Variants in PPP1R1A observed in about 807,000 individuals in gnomAD.
PPP1R1A encodes the protein protein phosphatase 1 regulatory inhibitor subunit 1A.
A neutral mutation model predicts 23.9 loss-of-function variants in PPP1R1A; 18 were observed. The ratio of observed to expected loss-of-function variants is 0.75; its 90% CI spans 0.52 to 1.12. The LOEUF is 1.12. Among genes scored for constraint, PPP1R1A ranks in the 50% most tolerant of loss-of-function variants. The probability of loss-of-function intolerance (pLI) is 0.00; values close to 1 mark genes in which losing one functional copy is unlikely to be tolerated. For missense variants in PPP1R1A, 207 were observed against 223.8 expected (o/e 0.92, Z 0.48); for synonymous variants, 84 against 80.7 (o/e 1.04, Z -0.22).
chr12:54,585,896 G>A (rs905427897), intron 1 of PPP1R1A, among the ~76,000 whole-genome samples: 14 of 152,152 alleles, frequency 9.2e-5, no homozygotes, highest in Admixed American at 8.5e-4. Flanking sequence ...CAAGGTCCCC[G>A]CAGTACCAGT....
intron 1 of PPP1R1A, among the ~76,000 whole-genome samples, chr12:54,585,251 T>C (rs1196252926): frequency 6.6e-6 from 1 of 152,046 alleles, no homozygotes; most frequent in African/African-American, 2.4e-5. Flanking sequence ...AGATATAATA[T>C]CAATACAAGG....
At position 54,580,118 on chromosome 12, in the gene PPP1R1A, T is replaced by A. The variant is rs1957840435; in HGVS notation, c.*269A>T. On this transcript the variant is annotated 3_prime_UTR_variant, in exon 7 of 7. Transcript: ENST00000257905. ...AAGTCAGGGCTAAGGGAAGAACTCT[T>A]CCCTGCTCAAGGCTTCTGCCTAGCT... 2 of 1,251,570 alleles carry A rather than the reference T, an allele frequency of 1.6e-6. No individual in the cohort carries two copies. 77.5% of individuals were successfully genotyped at this position (1,251,570 alleles called of 1,614,324 possible).
chr12:54,579,795 G>A lies in PPP1R1A; in HGVS notation c.*592C>T. Reference sequence around the variant, plus strand: ...AGCTTGGGAATCCAAAAGGAAGGCAGCTGGGGCTTGGAGGGCAGGCGAGGA... The same window carrying A: ...AGCTTGGGAATCCAAAAGGAAGGCAACTGGGGCTTGGAGGGCAGGCGAGGA... On this transcript the variant is annotated 3_prime_UTR_variant, in exon 7 of 7. Coordinates refer to ENST00000257905, the MANE Select transcript of PPP1R1A (RefSeq NM_006741.4). 1.0e-6 allele frequency: 1 copy of A among 985,710 alleles called. No homozygotes were observed. Among genetic ancestry groups the A allele is most frequent in the Non-Finnish European group, 1.2e-6 (1 of 830,128 alleles). 61.1% of individuals were successfully genotyped at this position (985,710 alleles called of 1,614,324 possible).
Position 54,582,796 on chromosome 12 carries a change from C to T in PPP1R1A, c.184-1G>A, listed in dbSNP as rs1429454586. On this transcript the variant is annotated splice_acceptor_variant, in intron 3 of 6. Coordinates refer to ENST00000257905, the MANE Select transcript of PPP1R1A (RefSeq NM_006741.4). LOFTEE classifies it high-confidence loss of function. ...GCCGTGGAGACATTGCCAAAGTGGA[C>T]TGTGAAGGGCACAGAGCACAGATGG... 1 of 1,613,308 alleles carries T rather than the reference C, an allele frequency of 6.2e-7. No individual in the cohort carries two copies. The highest frequency in any genetic ancestry group is 1.1e-5 in the South Asian group (1 of 91,048).
intron 1 of PPP1R1A, among the ~76,000 whole-genome samples, chr12:54,587,881 C>A (rs1415937527): frequency 2.6e-5 from 4 of 152,158 alleles, no homozygotes; most frequent in Admixed American, 1.3e-4. Flanking sequence ...TTCCTGTTAT[C>A]ACTTTCGGAG....
chr12:54,588,331 C>G, intron 1 of PPP1R1A, 74 bp downstream of exon 1: 1 of 1,221,372 alleles, frequency 8.2e-7, no homozygotes. Flanking sequence ...AGGCAGGGAT[C>G]CTGGGTCCCA....
At chr12:54,582,239 G>C in intron 4 of PPP1R1A, 108 bp from the exon 5 acceptor site, 1 of 1,212,240 alleles carries the variant, frequency 8.2e-7, no homozygotes, top group Non-Finnish European at 1.1e-6. Flanking sequence ...ACATTGCTGG[G>C]TGTTTGACTT....
Position 54,581,769 on chromosome 12 carries a change from G to A in PPP1R1A, c.403+207C>T, listed in dbSNP as rs570790633. Among the ~76,000 whole-genome samples the A allele has an allele frequency of 2.4e-4, 36 of 152,300 alleles. No individual in the cohort carries two copies. The highest frequency in any genetic ancestry group is 8.4e-4 in the African/African-American group (35 of 41,560). On this transcript the variant is annotated intron_variant, in intron 5 of 6. Coordinates refer to ENST00000257905, the MANE Select transcript of PPP1R1A (RefSeq NM_006741.4). This position sits in a 1 kb window ranked among gnomAD's most constrained non-coding sequence, Gnocchi z 4.1. The stretch of plus-strand genomic sequence containing the variant: ...ACAGTGGGGCTCTGAGGTTCAAGTT[G>A]GGAGGGCTTGGTGTCACTCAGTAAG...
At chr12:54,585,484 C>T (rs372036476) in intron 1 of PPP1R1A, among the ~76,000 whole-genome samples, 9 of 152,182 alleles carry the variant, frequency 5.9e-5, no homozygotes, top group African/African-American at 2.2e-4. Flanking sequence ...TTCCCCCTTT[C>T]TCTGGAGGCT....
chr12:54,587,542 A>G (rs916432588), intron 1 of PPP1R1A, among the ~76,000 whole-genome samples: 2 of 152,144 alleles, frequency 1.3e-5, no homozygotes, highest in African/African-American at 2.4e-5. Flanking sequence ...ACTCTCATAC[A>G]CTGCCCCCTC....
chr12:54,580,524 C>A, intron 6 of PPP1R1A, 132 bp from the exon 7 acceptor site: 1 of 904,348 alleles, frequency 1.1e-6, no homozygotes, highest in South Asian at 1.5e-5. Flanking sequence ...TGAGAGCAGT[C>A]CTTCCTGTGT....
At chr12:54,580,458 C>T (rs1957844089) in intron 6 of PPP1R1A, 66 bp from the exon 7 acceptor site, 1 of 1,487,040 alleles carries the variant, frequency 6.7e-7, no homozygotes, top group Admixed American at 1.7e-5. Flanking sequence ...GTCCCTTCCC[C>T]TTCTGGCCAT....
intron 1 of PPP1R1A, among the ~76,000 whole-genome samples, chr12:54,585,226 A>G (rs1957898047): frequency 6.6e-6 from 1 of 152,160 alleles, no homozygotes; most frequent in South Asian, 2.1e-4. Flanking sequence ...GGGTTGGGGG[A>G]ATCCTTGTCA....
chr12:54,585,361 A>T (rs1957899323), intron 1 of PPP1R1A, among the ~76,000 whole-genome samples: 1 of 152,134 alleles, frequency 6.6e-6, no homozygotes, highest in Admixed American at 6.5e-5. Context: ...TATAAAGCTG[A>T]CTGACTGCCC....
chr12:54,584,191 C>T, intron 2 of PPP1R1A, 69 bp downstream of exon 2: 1 of 1,413,622 alleles, frequency 7.1e-7, no homozygotes, highest in South Asian at 1.2e-5. Flanking sequence ...CATCTAGCGC[C>T]CATCTTCTCA....
At position 54,588,438 on chromosome 12, in the gene PPP1R1A, C is replaced by T; in HGVS notation, c.51G>A (p.Leu17=). Residue 17 remains leucine (L), a synonymous_variant, in exon 1 of 7, where the codon CTG becomes CTA. Transcript: ENST00000257905. Reference sequence around the variant, plus strand: ...CCGCCTCGGGGTCAAGGTGCGGCTCCAGCAGCGGGACCGTGAACTGGATCT... The same window carrying T: ...CCGCCTCGGGGTCAAGGTGCGGCTCTAGCAGCGGGACCGTGAACTGGATCT... The part of the protein sequence containing the change: ...PRKIQFTVPL[L]EPHLDPEAAE... 1.3e-6 allele frequency: 2 copies of T among 1,499,562 alleles called. No individual in the cohort carries two copies. Among genetic ancestry groups the T allele is most frequent in the Non-Finnish European group, 1.8e-6 (2 of 1,119,878 alleles). 92.9% of individuals were successfully genotyped at this position (1,499,562 alleles called of 1,614,324 possible). A position where few individuals can be genotyped will look rare whatever the true frequency, so the allele number is the denominator to read the frequency against.
chr12:54,588,650 CG>C lies in PPP1R1A; in HGVS notation c.-163del. 1 of 239,848 alleles carries C rather than the reference CG, an allele frequency of 4.2e-6. No individual in the cohort carries two copies. The highest frequency in any genetic ancestry group is 7.7e-6 in the Non-Finnish European group (1 of 129,814). The allele number at this position is 239,848 out of a possible 1,614,324, so 14.9% of individuals were successfully genotyped here. A position where few individuals can be genotyped will look rare whatever the true frequency, so the allele number is the denominator to read the frequency against. On this transcript the variant is annotated 5_prime_UTR_variant, in exon 1 of 7. Transcript: ENST00000257905. Reference sequence around the variant, plus strand: ...GCACAGCGCTCCCAGCTCGCGGCTCCGGGGACTCTGCCGCCGCCGATTGGCT... The same window carrying C: ...GCACAGCGCTCCCAGCTCGCGGCTCCGGGACTCTGCCGCCGCCGATTGGCT...
rs1173082865 is a variant in PPP1R1A, at chr12:54,581,735, C to T, written c.403+241G>A. 6.6e-6 allele frequency among the ~76,000 whole-genome samples: 1 copy of T among 152,222 alleles called. No individual in the cohort carries two copies. The highest frequency in any genetic ancestry group is 1.5e-5 in the Non-Finnish European group (1 of 68,036). Reference sequence around the variant, plus strand: ...TGTTCCCATGAAGGTGGGTTTCCCCCATGTAGCCACAGTGGGGCTCTGAGG... The same window carrying T: ...TGTTCCCATGAAGGTGGGTTTCCCCTATGTAGCCACAGTGGGGCTCTGAGG... On this transcript the variant is annotated intron_variant, in intron 5 of 6. Coordinates refer to ENST00000257905, the MANE Select transcript of PPP1R1A (RefSeq NM_006741.4). The surrounding 1 kb of genome is among the most constrained non-coding windows in gnomAD (Gnocchi z 4.1).
At position 54,579,901 on chromosome 12, in the gene PPP1R1A, C is replaced by T. The variant is rs1448975902; in HGVS notation, c.*486G>A. Reference sequence around the variant, plus strand: ...TCCCCTTTTGTCCAGCAGATGGAGCCCACCGCACAGTCACAGCTGGACACG... The same window carrying T: ...TCCCCTTTTGTCCAGCAGATGGAGCTCACCGCACAGTCACAGCTGGACACG... On this transcript the variant is annotated 3_prime_UTR_variant, in exon 7 of 7. Coordinates refer to ENST00000257905, the MANE Select transcript of PPP1R1A (RefSeq NM_006741.4). 1 of 986,754 alleles carries T rather than the reference C, an allele frequency of 1.0e-6. No homozygotes were observed. The highest frequency in any genetic ancestry group is 4.7e-5 in the South Asian group (1 of 21,344). The allele number at this position is 986,754 out of a possible 1,614,324, so 61.1% of individuals were successfully genotyped here.
Sources: gnomAD v4.1 joint callset for allele counts (sites outside exome capture counted in the v4.1 genomes callset) on GRCh38, gnomAD v4.1.1 for gene constraint, Gnocchi (gnomAD v3.1) non-coding constraint, MANE v1.5 for transcripts, NCBI Gene and HGNC (gene_info 2026-07-23, HGNC 2026-07-21) for gene names.